The following AKAP19 variants were observed in gnomAD, a reference collection of about 807,000 sequenced individuals.
The protein encoded by AKAP19 is A-kinase anchoring protein 19, also known as small A-kinase anchoring protein.
chr2:190,129,003 T>C, the AKAP19 span, among the ~76,000 whole-genome samples: 1 of 152,212 alleles, frequency 6.6e-6, no homozygotes, highest in Admixed American at 6.5e-5. Flanking sequence ...AGCATATATG[T>C]GTATACCTGT....
the AKAP19 span, among the ~76,000 whole-genome samples, chr2:189,965,445 T>C: frequency 6.6e-6 from 1 of 151,510 alleles, no homozygotes; most frequent in Non-Finnish European, 1.5e-5. Flanking sequence ...TCAAACAAAT[T>C]AGCAAGAAAA....
At chr2:190,139,759 G>A in the AKAP19 span, among the ~76,000 whole-genome samples, 9 of 152,222 alleles carry the variant, frequency 5.9e-5, no homozygotes, top group Middle Eastern at 6.8e-3. Context: ...TGACATTTGG[G>A]TGCAGACACA....
At chr2:190,171,659 A>T in the AKAP19 span, among the ~76,000 whole-genome samples, 4 of 152,284 alleles carry the variant, frequency 2.6e-5, no homozygotes, top group Admixed American at 2.6e-4. Flanking sequence ...TTGGCCAGAA[A>T]AAATTTCATA....
chr2:189,998,774 T>TCTTTCTTTCTTTCTTTCTTTC, the AKAP19 span, among the ~76,000 whole-genome samples: 1 of 102,138 alleles, frequency 9.8e-6, no homozygotes, highest in Non-Finnish European at 2.3e-5. Context: ...TTTCTTTCTT[T>TCTTTCTTTCTTTCTTTCTTTC]TTTTTTTTTT....
chr2:190,079,754 T>C, the AKAP19 span, among the ~76,000 whole-genome samples: 13 of 151,732 alleles, frequency 8.6e-5, no homozygotes, highest in Non-Finnish European at 4.4e-5. Context: ...GAGGTTGCAG[T>C]GAGCCGAGAT....
the AKAP19 span, among the ~76,000 whole-genome samples, chr2:189,957,131 C>T: frequency 0.034 from 5,142 of 152,120 alleles, 273 homozygotes; most frequent in African/African-American, 0.11. Context: ...GCCGAGATCG[C>T]GCCACTGCAC....
At chr2:189,900,483 A>C in the AKAP19 span, among the ~76,000 whole-genome samples, 2 of 152,224 alleles carry the variant, frequency 1.3e-5, no homozygotes, top group African/African-American at 4.8e-5. Flanking sequence ...TAAAATATCC[A>C]AATAAAATAT....
At chr2:190,102,139 G>A in the AKAP19 span, among the ~76,000 whole-genome samples, 4 of 152,024 alleles carry the variant, frequency 2.6e-5, no homozygotes. Context: ...AAAATACCTT[G>A]AAATAAATGA....
At chr2:190,116,892 A>T in the AKAP19 span, among the ~76,000 whole-genome samples, 1 of 152,244 alleles carries the variant, frequency 6.6e-6, no homozygotes, top group South Asian at 2.1e-4. Context: ...TAAATGAATT[A>T]AAAAACTAGC....
the AKAP19 span, among the ~76,000 whole-genome samples, chr2:190,145,127 A>T: frequency 6.6e-6 from 1 of 152,092 alleles, no homozygotes; most frequent in African/African-American, 2.4e-5. Context: ...TCTACAAAAA[A>T]AGTTTAAAAA....
the AKAP19 span, among the ~76,000 whole-genome samples, chr2:190,027,508 A>G: frequency 6.6e-6 from 1 of 152,356 alleles, no homozygotes; most frequent in East Asian, 1.9e-4. Flanking sequence ...TCATGTACAT[A>G]TAAGTCTGCC....
the AKAP19 span, among the ~76,000 whole-genome samples, chr2:190,118,320 C>T: frequency 6.6e-6 from 1 of 152,206 alleles, no homozygotes; most frequent in Non-Finnish European, 1.5e-5. Context: ...CCTTCTGAAA[C>T]TATTCCAATC....
At chr2:190,086,800 C>T in the AKAP19 span, among the ~76,000 whole-genome samples, 1 of 152,154 alleles carries the variant, frequency 6.6e-6, no homozygotes, top group Non-Finnish European at 1.5e-5. Context: ...ATGGTCTTCC[C>T]TCTGTTTTGT....
chr2:189,895,104 G>T, the AKAP19 span, among the ~76,000 whole-genome samples: 14 of 151,938 alleles, frequency 9.2e-5, no homozygotes, highest in Non-Finnish European at 2.1e-4. Context: ...AATTAATGAA[G>T]AAATAAAATT....
At chr2:190,054,901 A>G in the AKAP19 span, among the ~76,000 whole-genome samples, 1 of 152,222 alleles carries the variant, frequency 6.6e-6, no homozygotes, top group African/African-American at 2.4e-5. Context: ...TAGTTCAACC[A>G]TTGTGGAAGT....
At chr2:190,146,774 G>A in the AKAP19 span, among the ~76,000 whole-genome samples, 4 of 152,164 alleles carry the variant, frequency 2.6e-5, no homozygotes, top group Admixed American at 2.6e-4. Flanking sequence ...ATTTTTTCAT[G>A]TTTGTTGGCC....
the AKAP19 span, among the ~76,000 whole-genome samples, chr2:190,179,646 T>TA: frequency 6.6e-6 from 1 of 152,216 alleles, no homozygotes; most frequent in Non-Finnish European, 1.5e-5. This position sits in a 1 kb window ranked among gnomAD's most constrained non-coding sequence, Gnocchi z 6.0. Flanking sequence ...TTGTGTAACT[T>TA]AAACTTCTCA....
chr2:190,070,461 CTTTCA>C, the AKAP19 span, among the ~76,000 whole-genome samples: 3 of 150,294 alleles, frequency 2.0e-5, no homozygotes, highest in African/African-American at 4.9e-5. Flanking sequence ...AAAAAAAAAA[CTTTCA>C]TTTAATTAGA....
chr2:190,062,696 A>G, the AKAP19 span: 1 of 1,135,292 alleles, frequency 8.8e-7, no homozygotes, highest in Non-Finnish European at 1.3e-6. Context: ...ATGCATGTAC[A>G]GTCTGAGAGA....
Sources: gnomAD v4.1 joint callset for allele counts (sites outside exome capture counted in the v4.1 genomes callset) on GRCh38, gnomAD v4.1.1 for gene constraint, Gnocchi (gnomAD v3.1) non-coding constraint, MANE v1.5 for transcripts, NCBI Gene and HGNC (gene_info 2026-07-23, HGNC 2026-07-21) for gene names.